CHSY3: variants seen among roughly 807,000 people sequenced by gnomAD.
The protein encoded by CHSY3 is chondroitin sulfate synthase 3.
CHSY3 carries 35 observed loss-of-function variants against 67.2 expected under a neutral mutation model. The ratio of observed to expected loss-of-function variants is 0.52; its 90% confidence interval spans 0.40 to 0.69. The LOEUF (loss-of-function observed/expected upper bound fraction) is 0.69, where lower values mean the gene tolerates loss of function less well. Ranked by LOEUF, CHSY3 falls within the 30% of genes least tolerant of loss-of-function variation. The pLI is 0.00. For synonymous variants in CHSY3, 474 were observed against 434.7 expected (o/e 1.09, Z -1.12); for missense variants, 1,069 against 1,138.5 (o/e 0.94, Z 0.88).
At chr5:130,131,668 C>G (rs537396546) in intron 2 of CHSY3, among the ~76,000 whole-genome samples, 1 of 152,264 alleles carries the variant, frequency 6.6e-6, no homozygotes, top group East Asian at 1.9e-4. Context: ...TAGTTGCTCT[C>G]AGAGCCTGTA....
At chr5:129,972,607 G>GTGTGTGTGTGTA (rs1296901961) in intron 2 of CHSY3, among the ~76,000 whole-genome samples, 1 of 151,824 alleles carries the variant, frequency 6.6e-6, no homozygotes, top group Non-Finnish European at 1.5e-5. Flanking sequence ...TCTGCAGTGT[G>GTGTGTGTGTGTA]TGTGTGTGTG....
intron 2 of CHSY3, among the ~76,000 whole-genome samples, chr5:129,947,882 A>T (rs1426500340): frequency 6.6e-6 from 1 of 152,150 alleles, no homozygotes; most frequent in African/African-American, 2.4e-5. Flanking sequence ...ACACCTTTTA[A>T]TATACCTGTT....
At chr5:129,956,113 C>T (rs1463219670) in intron 2 of CHSY3, among the ~76,000 whole-genome samples, 1 of 152,142 alleles carries the variant, frequency 6.6e-6, no homozygotes, top group East Asian at 1.9e-4. Context: ...TGAGGAATCG[C>T]CACACATCTT....
chr5:130,101,195 T>A (rs1767232308), intron 2 of CHSY3, among the ~76,000 whole-genome samples: 1 of 152,222 alleles, frequency 6.6e-6, no homozygotes, highest in Admixed American at 6.5e-5. Context: ...CATCCGAGTA[T>A]TTTTTGTTTT....
chr5:129,924,289 G>A (rs1333453960), intron 2 of CHSY3, among the ~76,000 whole-genome samples: 2 of 151,710 alleles, frequency 1.3e-5, no homozygotes, highest in Non-Finnish European at 2.9e-5. Context: ...TACCTCCTCT[G>A]CCCTCAATTT....
At chr5:129,942,896 G>A (rs866705088) in intron 2 of CHSY3, among the ~76,000 whole-genome samples, 57 of 152,260 alleles carry the variant, frequency 3.7e-4, no homozygotes, top group African/African-American at 1.3e-3. Flanking sequence ...TGACTCATGT[G>A]TTTATCCTGC....
intron 2 of CHSY3, among the ~76,000 whole-genome samples, chr5:130,077,960 C>G (rs922638115): frequency 2.6e-5 from 4 of 152,046 alleles, no homozygotes; most frequent in African/African-American, 9.7e-5. Flanking sequence ...GCCATAATAA[C>G]TAACACCTAT....
Position 130,174,690 on chromosome 5 carries a change from C to A in CHSY3, c.1087-9539C>A, listed in dbSNP as rs1389932938. ...TACAATAATAATAACTAAGCAGTTACAATATGCCACATTCTTTTCTACATA... is the reference window on the plus strand; with the variant it reads ...TACAATAATAATAACTAAGCAGTTAAAATATGCCACATTCTTTTCTACATA... On this transcript the variant is annotated intron_variant, in intron 2 of 2. Coordinates refer to ENST00000305031, the MANE Select transcript of CHSY3 (RefSeq NM_175856.5). 2.0e-5 allele frequency among the ~76,000 whole-genome samples: 3 copies of A among 152,184 alleles called. No homozygotes were observed. The East Asian group carries it at 5.8e-4, about 29-fold the overall frequency.
chr5:130,062,877 CA>C (rs1215324089), intron 2 of CHSY3, among the ~76,000 whole-genome samples: 21 of 151,734 alleles, frequency 1.4e-4, no homozygotes, highest in African/African-American at 4.8e-4. Context: ...AAAGCATGTT[CA>C]AAAAAATATA....
chr5:130,022,801 C>T (rs1764431332), intron 2 of CHSY3, among the ~76,000 whole-genome samples: 1 of 151,778 alleles, frequency 6.6e-6, no homozygotes, highest in African/African-American at 2.4e-5. Context: ...GGTATATGTA[C>T]CTTACAGTGA....
intron 2 of CHSY3, among the ~76,000 whole-genome samples, chr5:130,128,229 G>GGTGTGTGTGTGTGTGTGTGT (rs112570550): frequency 1.8e-4 from 26 of 147,480 alleles, no homozygotes; most frequent in African/African-American, 6.3e-4. Flanking sequence ...AAGAAAATGT[G>GGTGTGTGTGTGTGTGTGTGT]GTGTGTGTGT....
At chr5:130,109,492 A>G (rs1767524005) in intron 2 of CHSY3, among the ~76,000 whole-genome samples, 1 of 151,742 alleles carries the variant, frequency 6.6e-6, no homozygotes, top group Non-Finnish European at 1.5e-5. Flanking sequence ...TTAGAAGCTA[A>G]TTTCAGCAAG....
chr5:130,163,784 G>A (rs1207951206), intron 2 of CHSY3, among the ~76,000 whole-genome samples: 2 of 151,616 alleles, frequency 1.3e-5, no homozygotes, highest in African/African-American at 4.9e-5. Flanking sequence ...AATTGATAGA[G>A]GAATAAATTA....
chr5:130,001,968 T>A, intron 2 of CHSY3: 1 of 875,714 alleles, frequency 1.1e-6, no homozygotes, highest in East Asian at 1.2e-4. Flanking sequence ...ATCCTTATAT[T>A]GGCTACAATA....
intron 2 of CHSY3, among the ~76,000 whole-genome samples, chr5:129,946,026 A>G (rs561930376): frequency 6.6e-6 from 1 of 152,298 alleles, no homozygotes; most frequent in South Asian, 2.1e-4. Flanking sequence ...TCCCACACTT[A>G]GCTGTGACTT....
At chr5:130,178,197 A>G (rs1336773240) in intron 2 of CHSY3, among the ~76,000 whole-genome samples, 1 of 112,584 alleles carries the variant, frequency 8.9e-6, no homozygotes. Context: ...GTATATATAT[A>G]TATTTATATA....
intron 2 of CHSY3, among the ~76,000 whole-genome samples, chr5:130,150,287 AAC>A (rs1405466144): frequency 6.6e-6 from 1 of 152,148 alleles, no homozygotes; most frequent in Non-Finnish European, 1.5e-5. Context: ...GCAGAAATTC[AAC>A]AGGTCATATC....
intron 2 of CHSY3, among the ~76,000 whole-genome samples, chr5:129,989,242 A>G (rs2149628706): frequency 6.8e-6 from 1 of 147,592 alleles, no homozygotes; most frequent in African/African-American, 2.5e-5. Flanking sequence ...GAGAGAAAGC[A>G]AGAGGGCAAC....
At chr5:130,137,873 A>C (rs906525417) in intron 2 of CHSY3, among the ~76,000 whole-genome samples, 3 of 152,194 alleles carry the variant, frequency 2.0e-5, no homozygotes, top group African/African-American at 4.8e-5. Context: ...GAATGTTGCC[A>C]TATGGCAATG....
Sources: gnomAD v4.1 joint callset for allele counts (sites outside exome capture counted in the v4.1 genomes callset) on GRCh38, gnomAD v4.1.1 for gene constraint, MANE v1.5 for transcripts, NCBI Gene and HGNC (gene_info 2026-07-23, HGNC 2026-07-21) for gene names.